Variants in SENP1 observed in about 807,000 individuals in gnomAD.
SENP1 encodes the protein sentrin-specific protease 1.
Under a neutral mutation model 93.0 loss-of-function variants are expected in SENP1, and 21 were observed. The ratio of observed to expected loss-of-function variants is 0.23; its 90% CI spans 0.16 to 0.33. SENP1 has a LOEUF of 0.33. Ranked by LOEUF, SENP1 falls within the 10% of genes least tolerant of loss-of-function variation. SENP1 has a pLI of 1.00. For synonymous variants in SENP1, 256 were observed against 259.6 expected, an observed-to-expected ratio of 0.99 and a Z score of 0.13; for missense variants, 591 against 758.7, an observed-to-expected ratio of 0.78 and a Z score of 2.60.
intron 13 of SENP1, among the ~76,000 whole-genome samples, chr12:48,056,889 T>C (rs1185346101): frequency 1.6e-5 from 1 of 61,282 alleles, no homozygotes; most frequent in Non-Finnish European, 2.7e-5. Context: ...ATATAATATA[T>C]TATTTAATAT....
chr12:48,078,330 TATATACACACAC>T (rs1944258872), intron 6 of SENP1, among the ~76,000 whole-genome samples: 1 of 83,714 alleles, frequency 1.2e-5, no homozygotes, highest in African/African-American at 3.8e-5. Flanking sequence ...TATATATATA[TATATACACACAC>T]ATATATATAT....
intron 6 of SENP1, among the ~76,000 whole-genome samples, chr12:48,082,881 G>A (rs558680601): frequency 2.0e-5 from 3 of 152,244 alleles, no homozygotes; most frequent in East Asian, 3.9e-4. Context: ...TTCCTGGTAA[G>A]AAGAATAGGT....
At chr12:48,069,956 T>C (rs1943569236) in intron 9 of SENP1, among the ~76,000 whole-genome samples, 4 of 152,200 alleles carry the variant, frequency 2.6e-5, no homozygotes, top group Admixed American at 2.6e-4. Context: ...AAACTGATAT[T>C]ATTCTCATCC....
In SENP1 at chr12:48,088,933, C is replaced by A. The variant is rs751686721; in HGVS notation, c.248G>T (p.Gly83Val). Residue 83 changes from glycine to valine, a missense_variant, in exon 5 of 18, where the codon GGC (glycine) becomes GTC (valine). Physicochemically the swap from Gly to Val is moderately radical, Grantham distance 109. This residue lies in a region of SENP1 where 214 missense variants were observed against 243.4 expected (regional missense o/e 0.88). Coordinates refer to ENST00000549518, the MANE Select transcript of SENP1 (RefSeq NM_001267594.2). ...SDNPSSDSFL[G>V]SGDLRTFGQS... ...GCCAAAGGTTCTTAAATCGCCTGAGCCAAGAAAACTGTCTGAGGAAGGATT... is the reference window on the plus strand; with the variant it reads ...GCCAAAGGTTCTTAAATCGCCTGAGACAAGAAAACTGTCTGAGGAAGGATT... The A allele has an allele frequency of 7.5e-6, 12 of 1,592,394 alleles. No individual in the cohort carries two copies. Among genetic ancestry groups the A allele is most frequent in the Non-Finnish European group, 1.0e-5 (12 of 1,169,538 alleles).
chr12:48,045,312 G>T lies in SENP1; in HGVS notation c.*10C>A. On this transcript the variant is annotated 3_prime_UTR_variant, in exon 18 of 18. Coordinates refer to ENST00000549518, the MANE Select transcript of SENP1 (RefSeq NM_001267594.2). ...CCCACATGGTCAAGGTCTGCTAAGTGAGACAGTCTTCACAAGAGTTTTCGG... is the reference window on the plus strand; with the variant it reads ...CCCACATGGTCAAGGTCTGCTAAGTTAGACAGTCTTCACAAGAGTTTTCGG... 6.2e-7 allele frequency: 1 copy of T among 1,612,166 alleles called. No individual in the cohort carries two copies. Among genetic ancestry groups the T allele is most frequent in the Non-Finnish European group, 8.5e-7 (1 of 1,178,404 alleles).
At chr12:48,079,173 A>G (rs1944340933) in intron 6 of SENP1, among the ~76,000 whole-genome samples, 1 of 151,802 alleles carries the variant, frequency 6.6e-6, no homozygotes, top group African/African-American at 2.4e-5. Context: ...AAAAATTAAA[A>G]TTAAAGAAAG....
At chr12:48,066,892 A>AT in intron 10 of SENP1, 35 bp downstream of exon 10, 1 of 1,475,334 alleles carries the variant, frequency 6.8e-7, no homozygotes, top group Non-Finnish European at 9.3e-7. Context: ...AAATGAACTG[A>AT]TTGAGAAGGA....
At chr12:48,083,373 A>C (rs191811645) in intron 6 of SENP1, among the ~76,000 whole-genome samples, 40 of 152,346 alleles carry the variant, frequency 2.6e-4, no homozygotes, top group Non-Finnish European at 4.6e-4. Flanking sequence ...CAGGCATAGA[A>C]GATATAATAG....
At chr12:48,083,477 C>G in intron 6 of SENP1, 114 bp downstream of exon 6, 1 of 826,856 alleles carries the variant, frequency 1.2e-6, no homozygotes, top group Non-Finnish European at 1.9e-6. Flanking sequence ...AGAAAAAGCA[C>G]AGGAAGGATA....
At chr12:48,078,334 T>TATATATATATACAC in intron 6 of SENP1, among the ~76,000 whole-genome samples, 2 of 67,910 alleles carry the variant, frequency 2.9e-5, no homozygotes, top group African/African-American at 9.7e-5. Flanking sequence ...TATATATATA[T>TATATATATATACAC]ACACACACAT....
At chr12:48,055,796 TATAA>T (rs1019880350) in intron 13 of SENP1, among the ~76,000 whole-genome samples, 20 of 145,760 alleles carry the variant, frequency 1.4e-4, no homozygotes, top group Non-Finnish European at 1.9e-4. Context: ...TTATTTAATA[TATAA>T]ATAAAATATA....
At chr12:48,047,501 T>C (rs1420122496) in intron 15 of SENP1, among the ~76,000 whole-genome samples, 3 of 152,232 alleles carry the variant, frequency 2.0e-5, no homozygotes, top group African/African-American at 7.2e-5. Flanking sequence ...CAACAATGTA[T>C]TGAGTGCATA....
chr12:48,082,050 T>C (rs2107640), intron 6 of SENP1, among the ~76,000 whole-genome samples: 60,386 of 151,636 alleles, frequency 0.4, 12,874 homozygotes, highest in East Asian at 0.83. Context: ...CCACCACGCC[T>C]GGCTAATTTT....
chr12:48,105,812 T>C (rs1946509440), intron 1 of SENP1: 1 of 593,926 alleles, frequency 1.7e-6, no homozygotes. Flanking sequence ...CGGCCTCAGG[T>C]AGCCTAACGG....
chr12:48,083,868 G>A, intron 5 of SENP1, 106 bp from the exon 6 acceptor site: 2 of 726,284 alleles, frequency 2.8e-6, no homozygotes, highest in Non-Finnish European at 2.2e-6. Context: ...AAACAAAACA[G>A]GTAAAATAAT....
intron 6 of SENP1, among the ~76,000 whole-genome samples, chr12:48,082,695 A>G (rs372561095): frequency 9.2e-5 from 14 of 152,240 alleles, no homozygotes; most frequent in African/African-American, 3.1e-4. Flanking sequence ...GCTACATTAC[A>G]TTCACAAAAT....
intron 8 of SENP1, among the ~76,000 whole-genome samples, chr12:48,072,492 C>A (rs1229160382): frequency 6.6e-6 from 1 of 152,156 alleles, no homozygotes; most frequent in Admixed American, 6.5e-5. Flanking sequence ...TGGCTCACAC[C>A]TGTAATCCCA....
intron 1 of SENP1, among the ~76,000 whole-genome samples, chr12:48,104,284 G>T (rs1946265000): frequency 6.8e-5 from 8 of 117,198 alleles, no homozygotes; most frequent in Non-Finnish European, 1.1e-4. Context: ...CGGAGGGAGG[G>T]AGAGAGAGAG....
chr12:48,101,444 G>A (rs1475306620), intron 2 of SENP1, 25 bp downstream of exon 2: 3 of 1,584,282 alleles, frequency 1.9e-6, no homozygotes, highest in South Asian at 1.2e-5. Flanking sequence ...GTAGCTAAAA[G>A]GATTCAACAG....
Sources: gnomAD v4.1 joint callset for allele counts (sites outside exome capture counted in the v4.1 genomes callset) on GRCh38, gnomAD v4.1.1 for gene constraint, gnomAD v4.1.1 regional missense constraint, MANE v1.5 for transcripts, NCBI Gene and HGNC (gene_info 2026-07-23, HGNC 2026-07-21) for gene names.